The following ST14 variants were observed in gnomAD, a reference collection of about 807,000 sequenced individuals.
ST14 encodes the protein ST14 transmembrane serine protease matriptase, also known as suppressor of tumorigenicity 14 protein.
A neutral mutation model predicts 96.5 loss-of-function variants in ST14; 40 were observed. The ratio of observed to expected loss-of-function variants is 0.41; its 90% CI spans 0.32 to 0.54. ST14 has a LOEUF of 0.54. Among genes scored for constraint, ST14 ranks in the 20% least tolerant of loss-of-function variants. ST14 has a pLI of 0.17. For synonymous variants in ST14, 506 were observed against 492.1 expected (o/e 1.03, Z -0.37); for missense variants, 1,066 against 1,188.9 (o/e 0.90, Z 1.52).
chr11:130,186,410 G>A (rs1953238478), intron 1 of ST14, among the ~76,000 whole-genome samples: 1 of 152,194 alleles, frequency 6.6e-6, no homozygotes. Flanking sequence ...AATGGTGAAG[G>A]AAGTTCCAGA....
At chr11:130,168,776 C>T (rs571870101) in intron 1 of ST14, among the ~76,000 whole-genome samples, 40 of 152,124 alleles carry the variant, frequency 2.6e-4, no homozygotes, top group African/African-American at 9.2e-4. Context: ...GGGGTGGGGC[C>T]CCTCTGTTTG....
chr11:130,183,521 A>G (rs943267472), intron 1 of ST14, among the ~76,000 whole-genome samples: 1 of 151,252 alleles, frequency 6.6e-6, no homozygotes, highest in Non-Finnish European at 1.5e-5. Flanking sequence ...AGCCTGGGCA[A>G]CATAGCAAGA....
chr11:130,207,491 C>G (rs932018902), intron 16 of ST14, among the ~76,000 whole-genome samples: 2 of 152,190 alleles, frequency 1.3e-5, no homozygotes, highest in Non-Finnish European at 2.9e-5. Flanking sequence ...GTGCAGGTTA[C>G]AGTGAACTGA....
intron 1 of ST14, among the ~76,000 whole-genome samples, chr11:130,182,166 G>A (rs111983761): frequency 3.1e-4 from 47 of 152,290 alleles, no homozygotes; most frequent in African/African-American, 1.1e-3. Context: ...TATATAACAC[G>A]GGTGATAGCA....
chr11:130,199,100 G>T, intron 15 of ST14, 31 bp downstream of exon 15: 1 of 1,606,460 alleles, frequency 6.2e-7, no homozygotes. Flanking sequence ...CGGTTGTGCA[G>T]GTTGTTCACT....
chr11:130,185,065 T>C (rs1441905682), intron 1 of ST14, among the ~76,000 whole-genome samples: 1 of 152,008 alleles, frequency 6.6e-6, no homozygotes, highest in Non-Finnish European at 1.5e-5. Flanking sequence ...TAAATAAAAA[T>C]AACCACCAAG....
At chr11:130,178,987 G>A (rs940469257) in intron 1 of ST14, among the ~76,000 whole-genome samples, 2 of 152,166 alleles carry the variant, frequency 1.3e-5, no homozygotes, top group Non-Finnish European at 2.9e-5. Context: ...TCCCCAGGGC[G>A]TGGAAGCAAA....
chr11:130,190,088 C>A (rs1473230819), intron 5 of ST14, 25 bp from the exon 6 acceptor site: 1 of 1,614,106 alleles, frequency 6.2e-7, no homozygotes, highest in East Asian at 2.2e-5. Context: ...TCAGGAAATG[C>A]TTTATTCTCC....
intron 1 of ST14, among the ~76,000 whole-genome samples, chr11:130,179,259 C>T (rs1953168639): frequency 6.6e-6 from 1 of 152,242 alleles, no homozygotes; most frequent in African/African-American, 2.4e-5. Context: ...GTGGAACAAA[C>T]ACTGCATTTG....
chr11:130,176,119 G>C (rs1953135386), intron 1 of ST14, among the ~76,000 whole-genome samples: 1 of 152,204 alleles, frequency 6.6e-6, no homozygotes, highest in African/African-American at 2.4e-5. Flanking sequence ...GTCTGCATCT[G>C]TGCTCTGTCT....
chr11:130,198,080 A>C (rs1056628993), intron 12 of ST14, 135 bp downstream of exon 12: 6 of 967,200 alleles, frequency 6.2e-6, no homozygotes, highest in Admixed American at 4.1e-5. Context: ...CTGTGTAGAG[A>C]CCTCTGGCCC....
In ST14 at chr11:130,188,240, CTGGGG is replaced by C; in HGVS notation, c.209_213del (p.Leu70HisfsTer28). 1.2e-6 allele frequency: 2 copies of C among 1,614,020 alleles called. No individual in the cohort carries two copies. Among genetic ancestry groups the C allele is most frequent in the Non-Finnish European group, 1.7e-6 (2 of 1,179,908 alleles). The stretch of plus-strand genomic sequence containing the variant: ...GCTGATCGGCCTCCTCTTGGTCTTG[CTGGGG>C]ATCGGCTTCCTGGTGTGGCATTTGC... On this transcript the variant is annotated frameshift_variant, in exon 2 of 19. Transcript: ENST00000278742. LOFTEE classifies it high-confidence loss of function. This position sits in a 1 kb window ranked among gnomAD's most constrained non-coding sequence, Gnocchi z 5.4.
chr11:130,171,043 C>T (rs1315847682), intron 1 of ST14, among the ~76,000 whole-genome samples: 1 of 152,210 alleles, frequency 6.6e-6, no homozygotes, highest in Non-Finnish European at 1.5e-5. Context: ...ATAAGATCCA[C>T]AGATGATACT....
chr11:130,177,629 G>A (rs1953153394), intron 1 of ST14, among the ~76,000 whole-genome samples: 1 of 152,196 alleles, frequency 6.6e-6, no homozygotes, highest in African/African-American at 2.4e-5. Context: ...CTTGCTATGA[G>A]CCTTTCTGGC....
intron 11 of ST14, among the ~76,000 whole-genome samples, chr11:130,197,399 G>C (rs919396059): frequency 6.6e-6 from 1 of 152,260 alleles, no homozygotes; most frequent in Non-Finnish European, 1.5e-5. Context: ...AAAATGTTTA[G>C]GGTGAAGGAA....
chr11:130,208,369 C>A, intron 16 of ST14, 41 bp from the exon 17 acceptor site: 1 of 1,613,550 alleles, frequency 6.2e-7, no homozygotes, highest in Non-Finnish European at 8.5e-7. Flanking sequence ...TGTGCACAGA[C>A]CCGAGTGACC....
rs1339080841 is a variant in ST14, at chr11:130,187,182, G to A, written c.82-932G>A. 6.6e-6 allele frequency among the ~76,000 whole-genome samples: 1 copy of A among 152,100 alleles called. No individual in the cohort carries two copies. The highest frequency in any genetic ancestry group is 2.4e-5 in the African/African-American group (1 of 41,336). ...TTTTGTTGTGAGCCGTATTGAGTGG[G>A]CGTGAGGTAGTTAAACTGAGAGTGC... On this transcript the variant is annotated intron_variant, in intron 1 of 18. Coordinates refer to ENST00000278742, the MANE Select transcript of ST14 (RefSeq NM_021978.4). This position sits in a 1 kb window ranked among gnomAD's most constrained non-coding sequence, Gnocchi z 4.5.
rs998974498 is a variant in ST14 at position 130,189,725 on chromosome 11, C to T, written c.441-14C>T. ...GGCCCAGAGCTCCGCCTCAGGCTCC[C>T]GCTCTCTCCCCAGCGAGGGCAGCGT... On this transcript the variant is annotated splice_polypyrimidine_tract_variant and intron_variant, in intron 4 of 18. Transcript: ENST00000278742. 6.8e-6 allele frequency: 11 copies of T among 1,609,776 alleles called. No individual in the cohort carries two copies. Among genetic ancestry groups the T allele is most frequent in the East Asian group, 2.2e-5 (1 of 44,878 alleles).
chr11:130,163,172 G>T (rs1953011133), intron 1 of ST14, among the ~76,000 whole-genome samples: 1 of 152,156 alleles, frequency 6.6e-6, no homozygotes, highest in Non-Finnish European at 1.5e-5. Flanking sequence ...CAGGCTGTCA[G>T]TGGGGCCCTG....
Sources: allele counts gnomAD v4.1 joint callset (sites outside exome capture counted in the v4.1 genomes callset), GRCh38; gene constraint gnomAD v4.1.1; non-coding constraint Gnocchi (gnomAD v3.1); transcripts MANE v1.5; gene names NCBI Gene and HGNC (gene_info 2026-07-23, HGNC 2026-07-21).